Variants in SH3GL2 observed in about 807,000 individuals in gnomAD.
The protein encoded by SH3GL2 is endophilin-A1.
Under a neutral mutation model 46.0 loss-of-function variants are expected in SH3GL2, and 24 were observed. The observed-to-expected ratio is 0.52, with a 90% confidence interval of 0.38 to 0.73. The LOEUF is 0.73. Ranked by LOEUF, SH3GL2 falls within the 30% of genes least tolerant of loss-of-function variation. SH3GL2 has a pLI of 0.00. For synonymous variants in SH3GL2, 196 were observed against 147.1 expected (o/e 1.33, Z -2.40); for missense variants, 413 against 424.2 (o/e 0.97, Z 0.23).
intron 1 of SH3GL2, among the ~76,000 whole-genome samples, chr9:17,657,446 A>G (rs529478390): frequency 2.0e-5 from 3 of 152,300 alleles, no homozygotes; most frequent in South Asian, 4.1e-4. Flanking sequence ...GTGTGGTTGT[A>G]CCACAAACAG....
intron 1 of SH3GL2, among the ~76,000 whole-genome samples, chr9:17,599,097 A>G (rs1050643057): frequency 1.3e-5 from 2 of 152,222 alleles, no homozygotes; most frequent in East Asian, 1.9e-4. Context: ...ACAATTAGCT[A>G]TTCGTTTGAG....
intron 3 of SH3GL2, among the ~76,000 whole-genome samples, chr9:17,781,785 T>C (rs1213499766): frequency 6.6e-6 from 1 of 152,148 alleles, no homozygotes; most frequent in Non-Finnish European, 1.5e-5. Context: ...CCCAGGTCTC[T>C]CCCTTTACGG....
chr9:17,690,637 A>G (rs1191490899), intron 1 of SH3GL2, among the ~76,000 whole-genome samples: 2 of 152,064 alleles, frequency 1.3e-5, no homozygotes, highest in Admixed American at 1.3e-4. Context: ...AGAAATGTGC[A>G]CTGTGGCTTG....
chr9:17,757,562 G>A (rs116467529), intron 2 of SH3GL2, among the ~76,000 whole-genome samples: 2,079 of 152,282 alleles, frequency 0.014, 57 homozygotes, highest in African/African-American at 0.047. Context: ...TCCCAGGCAA[G>A]GTTAGTTGAA....
At chr9:17,687,855 T>A (rs1408530351) in intron 1 of SH3GL2, among the ~76,000 whole-genome samples, 2 of 152,040 alleles carry the variant, frequency 1.3e-5, no homozygotes, top group Non-Finnish European at 2.9e-5. Flanking sequence ...GGCATACAAT[T>A]TAGAAAGTAA....
chr9:17,685,629 G>C (rs1451896660), intron 1 of SH3GL2, among the ~76,000 whole-genome samples: 1 of 152,034 alleles, frequency 6.6e-6, no homozygotes, highest in African/African-American at 2.4e-5. Context: ...TTTGTATAAG[G>C]TGTGAGGAAG....
chr9:17,672,612 C>G (rs1000909987), intron 1 of SH3GL2, among the ~76,000 whole-genome samples: 2 of 152,128 alleles, frequency 1.3e-5, no homozygotes, highest in Non-Finnish European at 2.9e-5. Context: ...GCCATGGTTT[C>G]TCTCCCTCTT....
chr9:17,781,780 G>T (rs1823816649), intron 3 of SH3GL2, among the ~76,000 whole-genome samples: 1 of 152,034 alleles, frequency 6.6e-6, no homozygotes, highest in South Asian at 2.1e-4. Flanking sequence ...CCTTTCCCAG[G>T]TCTCTCCCTT....
chr9:17,757,202 A>G (rs538826546), intron 2 of SH3GL2, among the ~76,000 whole-genome samples: 10 of 152,332 alleles, frequency 6.6e-5, no homozygotes, highest in African/African-American at 2.4e-4. Context: ...TAAAAACCCT[A>G]GAAGAAAACC....
rs546730654 is a variant in SH3GL2 at position 17,600,041 on chromosome 9, C to A, written c.45+20754C>A. 7.2e-5 allele frequency among the ~76,000 whole-genome samples: 11 copies of A among 151,806 alleles called. 1 individual carries two copies. The South Asian group carries it at 2.3e-3, about 32-fold the overall frequency. On this transcript the variant is annotated intron_variant, in intron 1 of 8. Coordinates refer to ENST00000380607, the MANE Select transcript of SH3GL2 (RefSeq NM_003026.5). ...AAATTCTTATAACACTTATTTTGGGCTCCTATACATGCTCTTCCTGCGTTT... is the reference window on the plus strand; with the variant it reads ...AAATTCTTATAACACTTATTTTGGGATCCTATACATGCTCTTCCTGCGTTT...
intron 1 of SH3GL2, among the ~76,000 whole-genome samples, chr9:17,678,448 T>C (rs370600735): frequency 0.039 from 5,965 of 152,274 alleles, 387 homozygotes; most frequent in African/African-American, 0.14. Context: ...GAGAAGTGTC[T>C]GTTCATATCC....
chr9:17,756,300 A>C (rs1822986566), intron 2 of SH3GL2, among the ~76,000 whole-genome samples: 1 of 152,082 alleles, frequency 6.6e-6, no homozygotes, highest in Non-Finnish European at 1.5e-5. Flanking sequence ...ATATATTTAC[A>C]GTTTCACTTT....
chr9:17,760,704 A>G (rs1259594459), intron 2 of SH3GL2, among the ~76,000 whole-genome samples: 2 of 152,188 alleles, frequency 1.3e-5, no homozygotes, highest in African/African-American at 2.4e-5. Context: ...CTCATTAGTC[A>G]TTTACCATGT....
At chr9:17,659,086 T>C (rs1820154325) in intron 1 of SH3GL2, among the ~76,000 whole-genome samples, 1 of 152,120 alleles carries the variant, frequency 6.6e-6, no homozygotes, top group African/African-American at 2.4e-5. Context: ...TCCTAGGGAA[T>C]TAACTGGAGA....
chr9:17,611,165 G>C (rs1055939903), intron 1 of SH3GL2, among the ~76,000 whole-genome samples: 1 of 151,974 alleles, frequency 6.6e-6, no homozygotes, highest in Non-Finnish European at 1.5e-5. Context: ...AGGAAGTATC[G>C]ATCATTGGTT....
chr9:17,677,589 C>T (rs1820644316), intron 1 of SH3GL2, among the ~76,000 whole-genome samples: 1 of 151,296 alleles, frequency 6.6e-6, no homozygotes, highest in South Asian at 2.1e-4. Context: ...GAATGCTATT[C>T]TTGATCTACT....
chr9:17,677,868 G>GA (rs2118015581), intron 1 of SH3GL2, among the ~76,000 whole-genome samples: 1 of 151,842 alleles, frequency 6.6e-6, no homozygotes, highest in African/African-American at 2.4e-5. Context: ...CTTTGAGTGA[G>GA]AAAATGCGGT....
chr9:17,787,174 T>A (rs1248778272), intron 4 of SH3GL2, among the ~76,000 whole-genome samples: 2 of 152,148 alleles, frequency 1.3e-5, no homozygotes, highest in African/African-American at 4.8e-5. Flanking sequence ...AAAAAGTAAC[T>A]GTTCCATTCT....
chr9:17,791,793 A>T (rs373219813), intron 7 of SH3GL2, among the ~76,000 whole-genome samples: 6 of 152,210 alleles, frequency 3.9e-5, no homozygotes, highest in African/African-American at 1.4e-4. Flanking sequence ...AGCCAGCCAT[A>T]ACCTGTGTGA....
Sources: allele counts gnomAD v4.1 joint callset (sites outside exome capture counted in the v4.1 genomes callset), GRCh38; gene constraint gnomAD v4.1.1; transcripts MANE v1.5; gene names NCBI Gene and HGNC (gene_info 2026-07-23, HGNC 2026-07-21).